THSD4: variants seen among roughly 807,000 people sequenced by gnomAD.
THSD4 encodes thrombospondin type 1 domain containing 4, also known as thrombospondin type-1 domain-containing protein 4.
In THSD4, 69 loss-of-function variants were observed where a neutral mutation model predicts 119.0. That is an observed-to-expected ratio of 0.58 (90% CI 0.48 to 0.71). The LOEUF (loss-of-function observed/expected upper bound fraction) is 0.71, where lower values mean the gene tolerates loss of function less well. Among genes scored for constraint, THSD4 ranks in the 30% least tolerant of loss-of-function variants. THSD4 has a pLI of 0.00. For missense variants in THSD4, 1,393 were observed against 1,391.1 expected, an observed-to-expected ratio of 1.00 and a Z score of -0.02; for synonymous variants, 524 against 540.4, an observed-to-expected ratio of 0.97 and a Z score of 0.42.
intron 7 of THSD4, among the ~76,000 whole-genome samples, chr15:71,637,828 C>G (rs895666677): frequency 6.6e-6 from 1 of 151,836 alleles, no homozygotes; most frequent in African/African-American, 2.4e-5. Flanking sequence ...TGGGTTCAAG[C>G]AATTCTCCTG....
At chr15:71,579,902 G>GC (rs2140912784) in intron 7 of THSD4, among the ~76,000 whole-genome samples, 1 of 151,778 alleles carries the variant, frequency 6.6e-6, no homozygotes, top group African/African-American at 2.4e-5. Flanking sequence ...ATAAACGGTG[G>GC]GGTTTTTTTT....
chr15:71,282,814 C>T (rs370539290), intron 6 of THSD4, among the ~76,000 whole-genome samples: 27 of 152,242 alleles, frequency 1.8e-4, no homozygotes, highest in East Asian at 1.7e-3. Flanking sequence ...ATTCAACTTG[C>T]GTATCCTTTT....
chr15:71,183,733 C>G (rs2043563859), intron 3 of THSD4, among the ~76,000 whole-genome samples: 1 of 33,682 alleles, frequency 3.0e-5, no homozygotes, highest in Admixed American at 4.8e-4. Context: ...TCTATCTACC[C>G]AGGCCTGATT....
intron 6 of THSD4, among the ~76,000 whole-genome samples, chr15:71,346,657 C>T (rs1419988115): frequency 6.6e-6 from 1 of 152,116 alleles, no homozygotes; most frequent in East Asian, 1.9e-4. Flanking sequence ...ATAGTATTTA[C>T]AAGCCAAAAT....
chr15:71,563,975 A>T (rs756367663), intron 7 of THSD4, among the ~76,000 whole-genome samples: 1 of 152,192 alleles, frequency 6.6e-6, no homozygotes, highest in Non-Finnish European at 1.5e-5. Context: ...TTGATGTGCC[A>T]GTCAGCCAAT....
intron 6 of THSD4, among the ~76,000 whole-genome samples, chr15:71,284,658 G>T (rs1005966318): frequency 6.6e-6 from 1 of 152,082 alleles, no homozygotes; most frequent in African/African-American, 2.4e-5. Context: ...CTCTGGATCT[G>T]AGCTCTTCAT....
At chr15:71,620,277 A>G (rs2050397323) in intron 7 of THSD4, among the ~76,000 whole-genome samples, 1 of 152,192 alleles carries the variant, frequency 6.6e-6, no homozygotes, top group South Asian at 2.1e-4. Flanking sequence ...TATGGTGTCT[A>G]ACATATTATT....
chr15:71,297,320 T>TTTTTTTG (rs111707595), intron 6 of THSD4, among the ~76,000 whole-genome samples: 5 of 148,088 alleles, frequency 3.4e-5, no homozygotes, highest in Non-Finnish European at 6.0e-5. Flanking sequence ...CTCTTCTTTT[T>TTTTTTTG]TTTGTTTGTT....
chr15:71,510,049 G>A (rs1009807636), intron 7 of THSD4, among the ~76,000 whole-genome samples: 25 of 152,226 alleles, frequency 1.6e-4, no homozygotes, highest in African/African-American at 5.5e-4. Flanking sequence ...GAACGAAGAG[G>A]AGGTAATGAA....
intron 17 of THSD4, among the ~76,000 whole-genome samples, chr15:71,774,484 G>T (rs2053879115): frequency 6.6e-6 from 1 of 152,056 alleles, no homozygotes; most frequent in Non-Finnish European, 1.5e-5. Context: ...TAGGTCAAGT[G>T]GCAACTCGTA....
At chr15:71,551,289 G>C (rs569976981) in intron 7 of THSD4, among the ~76,000 whole-genome samples, 1 of 152,306 alleles carries the variant, frequency 6.6e-6, no homozygotes, top group Admixed American at 6.5e-5. Context: ...AAAAAGAAAG[G>C]TGAAAAGACC....
At chr15:71,385,760 A>T (rs771704576) in intron 6 of THSD4, among the ~76,000 whole-genome samples, 1 of 152,214 alleles carries the variant, frequency 6.6e-6, no homozygotes, top group East Asian at 1.9e-4. Flanking sequence ...GTATGCAAAT[A>T]TGGAGGCTTT....
At chr15:71,284,312 A>G (rs576903333) in intron 6 of THSD4, among the ~76,000 whole-genome samples, 16 of 152,356 alleles carry the variant, frequency 1.1e-4, no homozygotes, top group Non-Finnish European at 2.2e-4. Context: ...ATGCTACATT[A>G]TAATAAGTTC....
chr15:71,282,429 A>G (rs1019788908), intron 6 of THSD4, among the ~76,000 whole-genome samples: 1 of 152,006 alleles, frequency 6.6e-6, no homozygotes, highest in Non-Finnish European at 1.5e-5. Context: ...GGAAAAAAGA[A>G]GACAAGGAGA....
chr15:71,327,278 T>C (rs1401540518), intron 6 of THSD4, among the ~76,000 whole-genome samples: 1 of 152,106 alleles, frequency 6.6e-6, no homozygotes, highest in Non-Finnish European at 1.5e-5. Flanking sequence ...TAAATTCCCA[T>C]AGTTATGGAG....
chr15:71,644,535 A>G (rs1180963285), intron 7 of THSD4, among the ~76,000 whole-genome samples: 2 of 152,200 alleles, frequency 1.3e-5, no homozygotes, highest in East Asian at 3.8e-4. Flanking sequence ...AAAAAAATTC[A>G]AATTTGACTT....
At chr15:71,662,698 T>A (rs77521292) in intron 8 of THSD4, among the ~76,000 whole-genome samples, 2,111 of 152,292 alleles carry the variant, frequency 0.014, 52 homozygotes, top group African/African-American at 0.048. Flanking sequence ...GATGTCTGAA[T>A]GGAGGAAGCT....
At chr15:71,116,785 T>C (rs1555448802) in intron 1 of THSD4, among the ~76,000 whole-genome samples, 1 of 152,116 alleles carries the variant, frequency 6.6e-6, no homozygotes, top group Non-Finnish European at 1.5e-5. Context: ...ATCACACAGC[T>C]TTTAAAATCC....
At chr15:71,630,643 T>C (rs1366848329) in intron 7 of THSD4, among the ~76,000 whole-genome samples, 2 of 152,116 alleles carry the variant, frequency 1.3e-5, no homozygotes, top group African/African-American at 2.4e-5. Flanking sequence ...TCTGGAATGG[T>C]AATGACAGTC....
Sources: gnomAD v4.1 joint callset for allele counts (sites outside exome capture counted in the v4.1 genomes callset) on GRCh38, gnomAD v4.1.1 for gene constraint, MANE v1.5 for transcripts, NCBI Gene and HGNC (gene_info 2026-07-23, HGNC 2026-07-21) for gene names.